Variants in GRIP1 observed in about 807,000 individuals in gnomAD.
GRIP1 encodes the protein glutamate receptor-interacting protein 1.
GRIP1 carries 45 observed loss-of-function variants against 129.9 expected under a neutral mutation model. That is an observed-to-expected ratio of 0.35 (90% CI 0.27 to 0.44). The LOEUF (loss-of-function observed/expected upper bound fraction) is 0.44. GRIP1 is among the 20% of genes least tolerant of loss of function. The pLI is 1.00. For missense variants in GRIP1, 1,196 were observed against 1,396.8 expected (o/e 0.86, Z 2.29); for synonymous variants, 530 against 520.8 (o/e 1.02, Z -0.24).
chr12:66,820,816 AT>A (rs909033864), intron 1 of GRIP1, among the ~76,000 whole-genome samples: 1 of 151,574 alleles, frequency 6.6e-6, no homozygotes, highest in African/African-American at 2.4e-5. Flanking sequence ...TAGGGAGACA[AT>A]TAAAAAAAAA....
intron 2 of GRIP1, among the ~76,000 whole-genome samples, chr12:66,576,347 A>G (rs1016316752): frequency 2.1e-4 from 32 of 152,364 alleles, no homozygotes; most frequent in African/African-American, 7.2e-4. Flanking sequence ...GGGATGCTGC[A>G]AAGCTCTGTC....
At chr12:66,848,065 C>T (rs985732163) in intron 1 of GRIP1, among the ~76,000 whole-genome samples, 17 of 152,028 alleles carry the variant, frequency 1.1e-4, no homozygotes, top group African/African-American at 1.9e-4. Flanking sequence ...ATATCATATC[C>T]GACTTTCAAA....
intron 1 of GRIP1, among the ~76,000 whole-genome samples, chr12:66,947,560 T>A (rs1365918287): frequency 6.6e-6 from 1 of 152,206 alleles, no homozygotes; most frequent in East Asian, 1.9e-4. Context: ...TGCTGCTTCA[T>A]GAGTTTAGCT....
intron 1 of GRIP1, among the ~76,000 whole-genome samples, chr12:67,010,422 T>TA (rs2042688275): frequency 6.6e-6 from 1 of 151,816 alleles, no homozygotes; most frequent in Admixed American, 6.6e-5. Flanking sequence ...AATTCACATT[T>TA]AAAAAAAATA....
At chr12:66,933,161 T>C (rs1257569985) in intron 1 of GRIP1, among the ~76,000 whole-genome samples, 5 of 152,218 alleles carry the variant, frequency 3.3e-5, no homozygotes, top group Non-Finnish European at 5.9e-5. Flanking sequence ...TGATGTAATG[T>C]AACTTCTTTC....
chr12:66,420,803 G>A lies in GRIP1; in HGVS notation c.1769-14C>T. ...TACTGGATGGTGCTGTAATAATGGA[G>A]ATAGAATAATCACATCTTTATATCC... On this transcript the variant is annotated splice_polypyrimidine_tract_variant and intron_variant, in intron 14 of 24. Transcript: ENST00000359742. The A allele has an allele frequency of 1.4e-6, 2 of 1,424,198 alleles. No individual in the cohort carries two copies. The highest frequency in any genetic ancestry group is 2.0e-6 in the Non-Finnish European group (2 of 1,006,524). The allele number at this position is 1,424,198 out of a possible 1,614,324, so 88.2% of individuals were successfully genotyped here.
chr12:66,937,055 T>C (rs2041498112), intron 1 of GRIP1, among the ~76,000 whole-genome samples: 1 of 152,172 alleles, frequency 6.6e-6, no homozygotes, highest in South Asian at 2.1e-4. Flanking sequence ...CTCTGGACGA[T>C]TTTTCTCTGT....
chr12:67,005,114 C>A (rs1293111991), intron 1 of GRIP1, among the ~76,000 whole-genome samples: 2 of 151,918 alleles, frequency 1.3e-5, no homozygotes, highest in Non-Finnish European at 2.9e-5. Flanking sequence ...AAGATCTGAC[C>A]AAAGCAGTGA....
At chr12:66,816,606 C>T (rs1159918982) in intron 1 of GRIP1, among the ~76,000 whole-genome samples, 3 of 152,168 alleles carry the variant, frequency 2.0e-5, no homozygotes, top group African/African-American at 7.2e-5. Context: ...TACTCTTTCA[C>T]TAAACCACAC....
At chr12:66,700,680 G>T (rs541197450) in intron 1 of GRIP1, among the ~76,000 whole-genome samples, 6 of 152,090 alleles carry the variant, frequency 3.9e-5, no homozygotes, top group African/African-American at 1.4e-4. Flanking sequence ...AGGATAGGCT[G>T]GGGGGGAGAA....
intron 1 of GRIP1, among the ~76,000 whole-genome samples, chr12:66,714,909 A>G (rs2035826476): frequency 6.7e-6 from 1 of 149,662 alleles, no homozygotes; most frequent in African/African-American, 2.5e-5. Flanking sequence ...CCATCCATCC[A>G]TCCATCCATC....
At chr12:66,361,616 T>C (rs922235509) in intron 23 of GRIP1, among the ~76,000 whole-genome samples, 3 of 152,194 alleles carry the variant, frequency 2.0e-5, no homozygotes, top group South Asian at 4.1e-4. Context: ...GCCAGCTCCA[T>C]TGCTGGTCTT....
rs1397575821 is a variant in GRIP1, at chr12:66,596,883, C to T, written c.100G>A (p.Asp34Asn). 1 of 1,613,714 alleles carries T rather than the reference C, an allele frequency of 6.2e-7. No individual in the cohort carries two copies. Among genetic ancestry groups the T allele is most frequent in the East Asian group, 2.2e-5 (1 of 44,876 alleles). ...TKSASQTKPPDGALAVRRQSI... is the reference protein window; with the variant it reads ...TKSASQTKPPNGALAVRRQSI... Reference sequence around the variant, plus strand: ...TGTCTCCTCACAGCCAACGCTCCATCAGGCGGCTTTGTCTGGCTGGCGGAT... The same window carrying T: ...TGTCTCCTCACAGCCAACGCTCCATTAGGCGGCTTTGTCTGGCTGGCGGAT... Residue 34 changes from aspartate (D) to asparagine (N), a missense_variant, in exon 2 of 25, where the codon GAT becomes AAT. Coordinates refer to ENST00000359742, the MANE Select transcript of GRIP1 (RefSeq NM_001366722.1).
At chr12:66,455,699 G>C in intron 10 of GRIP1, 135 bp from the exon 11 acceptor site, 1 of 764,500 alleles carries the variant, frequency 1.3e-6, no homozygotes, top group Middle Eastern at 3.5e-4. Context: ...GCCAGCTAGA[G>C]GCCAGCTCTC....
intron 11 of GRIP1, among the ~76,000 whole-genome samples, chr12:66,451,179 A>C (rs1052802872): frequency 6.6e-6 from 1 of 152,072 alleles, no homozygotes; most frequent in African/African-American, 2.4e-5. Context: ...AACTCTTCAG[A>C]TTTGTAGGGA....
intron 1 of GRIP1, among the ~76,000 whole-genome samples, chr12:66,716,228 T>G (rs1405463196): frequency 1.3e-5 from 2 of 152,116 alleles, no homozygotes; most frequent in African/African-American, 4.8e-5. Flanking sequence ...ACACATTTAA[T>G]TTGCATTTTT....
At position 66,642,382 on chromosome 12, in the gene GRIP1, G is replaced by T. The variant is rs2032012637; in HGVS notation, c.55+36468C>A. On this transcript the variant is annotated intron_variant, in intron 1 of 24. Coordinates refer to ENST00000359742, the MANE Select transcript of GRIP1 (RefSeq NM_001366722.1). ...GGCTAGCAGCAGTTCAGGACTGCTA[G>T]AAAGGAGTACAGTGGAAGGGGAAAG... Among the ~76,000 whole-genome samples, 4 of 152,120 alleles carry T rather than the reference G, an allele frequency of 2.6e-5. No homozygotes were observed. The South Asian group carries it at 8.3e-4, about 31-fold the overall frequency.
intron 1 of GRIP1, among the ~76,000 whole-genome samples, chr12:67,027,751 A>G (rs1035564190): frequency 6.6e-6 from 1 of 152,234 alleles, no homozygotes. Flanking sequence ...AGTGGTGCAC[A>G]TAAGGTCACT....
chr12:66,454,351 T>A (rs58753311), intron 11 of GRIP1, among the ~76,000 whole-genome samples: 36,592 of 152,190 alleles, frequency 0.24, 5,194 homozygotes, highest in African/African-American at 0.37. Context: ...CTTATTTTTA[T>A]TCCCATGGTG....
Sources: gnomAD v4.1 joint callset for allele counts (sites outside exome capture counted in the v4.1 genomes callset) on GRCh38, gnomAD v4.1.1 for gene constraint, MANE v1.5 for transcripts, NCBI Gene and HGNC (gene_info 2026-07-23, HGNC 2026-07-21) for gene names.